Variants in POLQ observed in about 807,000 individuals in gnomAD.
The protein encoded by POLQ is epididymis secretory sperm binding protein.
Under a neutral mutation model 259.2 loss-of-function variants are expected in POLQ, and 233 were observed. The observed-to-expected ratio is 0.90, with a 90% CI of 0.81 to 1.00. The LOEUF (loss-of-function observed/expected upper bound fraction) is 1.00, where lower values mean the gene tolerates loss of function less well. Ranked by LOEUF, POLQ falls within the 50% of genes least tolerant of loss-of-function variation. POLQ has a pLI of 0.00. For missense variants in POLQ, 2,871 were observed against 3,051.6 expected (o/e 0.94, Z 1.39); for synonymous variants, 1,025 against 1,048.8 (o/e 0.98, Z 0.44).
rs2047987248 is a variant in POLQ, at chr3:121,483,540, A to T, written c.5816T>A (p.Leu1939Gln). The T allele has an allele frequency of 3.8e-6, 6 of 1,585,146 alleles. No individual in the cohort carries two copies. The highest frequency in any genetic ancestry group is 5.1e-6 in the Non-Finnish European group (6 of 1,170,100). The change falls in exon 18 of 30, where the codon CTG becomes CAG. Residue 1939 changes from leucine to glutamine, a missense_variant. Physicochemically the swap from Leu to Gln is moderately radical, Grantham distance 113. This residue lies in a region of POLQ where 2,080 missense variants were observed against 2,126.0 expected (regional missense o/e 0.98). Transcript: ENST00000264233. ...SLVPPSLDPS[L>Q]TLKDRMWYLQ... ...GTACCACATCCTGTCTTTCAAAGTCAGGCTTGGATCTAAAGAAGGTGGAAC... is the reference window on the plus strand; with the variant it reads ...GTACCACATCCTGTCTTTCAAAGTCTGGCTTGGATCTAAAGAAGGTGGAAC...
At chr3:121,455,063 T>G (rs1330056954) in intron 25 of POLQ, among the ~76,000 whole-genome samples, 1 of 151,712 alleles carries the variant, frequency 6.6e-6, no homozygotes, top group Non-Finnish European at 1.5e-5. Flanking sequence ...AAACTAGAAC[T>G]CAGGATTAAG....
Position 121,489,138 on chromosome 3 carries a change from G to T in POLQ, c.3793C>A (p.Pro1265Thr). 1 of 1,613,734 alleles carries T rather than the reference G, an allele frequency of 6.2e-7. No individual in the cohort carries two copies. Among genetic ancestry groups the T allele is most frequent in the Non-Finnish European group, 8.5e-7 (1 of 1,179,758 alleles). Residue 1265 changes from proline (P) to threonine (T), a missense_variant, in exon 16 of 30, where the codon CCC becomes ACC. Pro to Thr is a conservative substitution (Grantham distance 38). Coordinates refer to ENST00000264233, the MANE Select transcript of POLQ (RefSeq NM_199420.4). Reference protein sequence around the residue: ...LGDDISRTVIPSEVLPSAGAF... With the variant: ...LGDDISRTVITSEVLPSAGAF... ...CCAGCTGATGGAAGTACTTCACTGG[G>T]TATCACAGTTCTGCTTATATCATCT...
intron 24 of POLQ, among the ~76,000 whole-genome samples, chr3:121,466,252 T>C (rs1452806483): frequency 6.9e-6 from 1 of 144,366 alleles, no homozygotes; most frequent in Non-Finnish European, 1.5e-5. Context: ...AGAATTTCTA[T>C]GAAGGCTGAG....
At chr3:121,543,946 G>A (rs1442632205) in intron 2 of POLQ, among the ~76,000 whole-genome samples, 1 of 150,854 alleles carries the variant, frequency 6.6e-6, no homozygotes, top group African/African-American at 2.4e-5. Context: ...CAACTCCATT[G>A]CACTCCAGTC....
chr3:121,532,555 G>A (rs2108817935), intron 6 of POLQ, among the ~76,000 whole-genome samples: 1 of 151,606 alleles, frequency 6.6e-6, no homozygotes, highest in East Asian at 1.9e-4. Context: ...AGGCTGGAGT[G>A]CAGTGGCATG....
chr3:121,440,440 T>A (rs2047581967), intron 26 of POLQ, among the ~76,000 whole-genome samples: 1 of 152,122 alleles, frequency 6.6e-6, no homozygotes, highest in Non-Finnish European at 1.5e-5. Flanking sequence ...GCTCAGGAGA[T>A]CCTCCCACCT....
chr3:121,541,249 T>A, intron 3 of POLQ, 100 bp downstream of exon 3: 2 of 1,106,258 alleles, frequency 1.8e-6, no homozygotes, highest in Non-Finnish European at 2.6e-6. Context: ...ATGAAGAAAC[T>A]TTGTTTTCCA....
At chr3:121,466,466 G>A (rs2047837668) in intron 24 of POLQ, among the ~76,000 whole-genome samples, 1 of 151,876 alleles carries the variant, frequency 6.6e-6, no homozygotes, top group Non-Finnish European at 1.5e-5. Flanking sequence ...CGAGGCAGGC[G>A]GATCACCTGA....
In POLQ at chr3:121,487,722, G is replaced by A; in HGVS notation, c.5209C>T (p.Pro1737Ser). The A allele has an allele frequency of 6.2e-7, 1 of 1,613,838 alleles. No individual in the cohort carries two copies. Among genetic ancestry groups the A allele is most frequent in the Non-Finnish European group, 8.5e-7 (1 of 1,179,788 alleles). The change falls in exon 16 of 30, where the codon CCT (proline) becomes TCT (serine). Residue 1737 changes from proline to serine, a missense_variant. Coordinates refer to ENST00000264233, the MANE Select transcript of POLQ (RefSeq NM_199420.4). ...GAAGCAGATGTTGGAATGGGTGTAGGAGGAATGAGACCATTATCATCAACT... is the reference window on the plus strand; with the variant it reads ...GAAGCAGATGTTGGAATGGGTGTAGAAGGAATGAGACCATTATCATCAACT... Reference protein sequence around the residue: ...NIVDDNGLIPPTPIPTSASKL... With the variant: ...NIVDDNGLIPSTPIPTSASKL...
intron 8 of POLQ, 154 bp downstream of exon 8, chr3:121,521,849 G>C: frequency 2.1e-6 from 1 of 481,000 alleles, no homozygotes; most frequent in Non-Finnish European, 3.5e-6. Context: ...GGGATTACAG[G>C]AGTGAGCCAC....
intron 27 of POLQ, 76 bp downstream of exon 27, chr3:121,439,916 T>C (rs931112238): frequency 1.6e-6 from 2 of 1,258,816 alleles, no homozygotes; most frequent in African/African-American, 1.5e-5. Flanking sequence ...AAACGGATAT[T>C]TGTAGTATTT....
At chr3:121,511,221 G>A (rs7618539) in intron 10 of POLQ, among the ~76,000 whole-genome samples, 33,888 of 112,726 alleles carry the variant, frequency 0.3, 5,000 homozygotes, top group Middle Eastern at 0.42. Flanking sequence ...GCGAGACTCC[G>A]TCTCCAAAAA....
chr3:121,488,906 A>C lies in POLQ; in HGVS notation c.4025T>G (p.Leu1342Arg). 1 of 1,614,122 alleles carries C rather than the reference A, an allele frequency of 6.2e-7. No homozygotes were observed. The highest frequency in any genetic ancestry group is 8.5e-7 in the Non-Finnish European group (1 of 1,179,998). The change falls in exon 16 of 30, where the codon CTA becomes CGA. Residue 1342 changes from leucine (L) to arginine (R), a missense_variant. Leu to Arg is a moderately radical substitution (Grantham distance 102). Coordinates refer to ENST00000264233, the MANE Select transcript of POLQ (RefSeq NM_199420.4). ...IQQMATENAK[L>R]GAKDTNLAAG... Reference sequence around the variant, plus strand: ...TGCCAGGTTGGTGTCCTTTGCTCCTAGTTTGGCATTTTCAGTTGCCATCTG... The same window carrying C: ...TGCCAGGTTGGTGTCCTTTGCTCCTCGTTTGGCATTTTCAGTTGCCATCTG...
chr3:121,460,289 C>A, intron 24 of POLQ, 55 bp from the exon 25 acceptor site: 1 of 1,321,588 alleles, frequency 7.6e-7, no homozygotes. Flanking sequence ...ATCACACAAT[C>A]CAAGTTCTAT....
Position 121,545,984 on chromosome 3 carries a change from A to G in POLQ, c.-107T>C. ...GCGGACATCTTCCCGCCAGTCTTCAAACTCAAACCTCCCGGCCCGCCCCGG... is the reference window on the plus strand; with the variant it reads ...GCGGACATCTTCCCGCCAGTCTTCAGACTCAAACCTCCCGGCCCGCCCCGG... On this transcript the variant is annotated 5_prime_UTR_variant, in exon 1 of 30. Transcript: ENST00000264233. The G allele has an allele frequency of 1.5e-6, 2 of 1,349,566 alleles. No homozygotes were observed. The highest frequency in any genetic ancestry group is 2.1e-6 in the Non-Finnish European group (2 of 964,134). 83.6% of individuals were successfully genotyped at this position (1,349,566 alleles called of 1,614,324 possible).
At position 121,509,643 on chromosome 3, in the gene POLQ, G is replaced by T; in HGVS notation, c.1877C>A (p.Ala626Asp). The T allele has an allele frequency of 6.2e-7, 1 of 1,613,482 alleles. No individual in the cohort carries two copies. Among genetic ancestry groups the T allele is most frequent in the Non-Finnish European group, 8.5e-7 (1 of 1,179,464 alleles). ...SATLSSSLSP[A>D]DTLDIFADLQ... is the part of the protein sequence containing the mutation. ...GTCAGCAAAAATATCTAAAGTATCA[G>T]CTGGAGAAAGTGAAGAAGAAAGAGT... The change falls in exon 12 of 30, where the codon GCT becomes GAT. Residue 626 changes from alanine (A) to aspartate (D), a missense_variant. By Grantham distance (126) the Ala-to-Asp change is moderately radical. Around this residue, in one of 3 missense-constraint regions of POLQ, gnomAD observed 783 missense variants for 906.2 expected, o/e 0.86. Coordinates refer to ENST00000264233, the MANE Select transcript of POLQ (RefSeq NM_199420.4).
In POLQ at chr3:121,489,855, C is replaced by T. The variant is rs141772880; in HGVS notation, c.3076G>A (p.Ala1026Thr). 13 of 1,607,214 alleles carry T rather than the reference C, an allele frequency of 8.1e-6. No individual in the cohort carries two copies. Among genetic ancestry groups the T allele is most frequent in the African/African-American group, 2.7e-5 (2 of 74,280 alleles). ...VQTFSQKTKK[A>T]PLNFNSEKMS... ...TTTTCTGAATTGAAATTCAAAGGTG[C>T]CTTTTTTGTTTTCTGTGAAAAAGTC... The change falls in exon 16 of 30, where the codon GCA (alanine) becomes ACA (threonine). Residue 1026 changes from alanine (A) to threonine (T), a missense_variant. Physicochemically the swap from Ala to Thr is moderately conservative, Grantham distance 58 (BLOSUM62 0). Transcript: ENST00000264233.
Position 121,450,972 on chromosome 3 carries a change from G to A in POLQ, c.7153-1546C>T, listed in dbSNP as rs185389006. Among the ~76,000 whole-genome samples, 51 of 152,134 alleles carry A rather than the reference G, an allele frequency of 3.4e-4. 1 individual carries two copies. The highest frequency in any genetic ancestry group is 2.2e-3 in the Admixed American group (34 of 15,274). ...TTTTCACATAGTCCCCTATTTCTTG[G>A]AGGCTTTGTTCGTTTCTTTTTATTC... On this transcript the variant is annotated intron_variant, in intron 25 of 29. Transcript: ENST00000264233.
chr3:121,538,990 T>C (rs2048469759), intron 4 of POLQ, among the ~76,000 whole-genome samples: 1 of 151,918 alleles, frequency 6.6e-6, no homozygotes, highest in South Asian at 2.1e-4. Flanking sequence ...TCAAATAGAG[T>C]GTCAGTTTCT....
Sources: allele counts gnomAD v4.1 joint callset (sites outside exome capture counted in the v4.1 genomes callset), GRCh38; gene constraint gnomAD v4.1.1; regional missense constraint gnomAD v4.1.1; transcripts MANE v1.5; gene names NCBI Gene and HGNC (gene_info 2026-07-23, HGNC 2026-07-21).